The following FNIP1 variants were observed in gnomAD, a reference collection of about 807,000 sequenced individuals.
The protein encoded by FNIP1 is folliculin-interacting protein 1.
FNIP1 carries 40 observed loss-of-function variants against 124.5 expected under a neutral mutation model. The observed-to-expected ratio is 0.32, with a 90% CI of 0.25 to 0.42. FNIP1 has a LOEUF of 0.42. Among genes scored for constraint, FNIP1 ranks in the 10% least tolerant of loss-of-function variants. FNIP1 has a pLI of 1.00. For synonymous variants in FNIP1, 472 were observed against 470.6 expected, an observed-to-expected ratio of 1.00 and a Z score of -0.04; for missense variants, 1,176 against 1,403.7, an observed-to-expected ratio of 0.84 and a Z score of 2.59.
intron 11 of FNIP1, among the ~76,000 whole-genome samples, chr5:131,697,266 T>C (rs1768729295): frequency 6.6e-6 from 1 of 152,082 alleles, no homozygotes; most frequent in Non-Finnish European, 1.5e-5. Context: ...TGGTACGTAG[T>C]GTACACAATG....
chr5:131,654,598 T>A (rs1269998431), intron 15 of FNIP1, among the ~76,000 whole-genome samples: 4 of 152,136 alleles, frequency 2.6e-5, no homozygotes, highest in African/African-American at 9.7e-5. Context: ...TTAAAAAAAA[T>A]GTGTTACTGA....
In FNIP1 at chr5:131,709,250, C is replaced by G; in HGVS notation, c.729G>C (p.Met243Ile). The change falls in exon 8 of 18, where the codon ATG becomes ATC. Residue 243 changes from methionine to isoleucine, a missense_variant. This residue lies in a region of FNIP1 where 1,109 missense variants were observed against 1,288.5 expected (regional missense o/e 0.86). Coordinates refer to ENST00000510461, the MANE Select transcript of FNIP1 (RefSeq NM_133372.3). ...FFAVHSNPMD[M>I]PGRELNEDRD... ...TGTCCTCATTGAGCTCTCTTCCAGG[C>G]ATGTCCATTGGGTTGCTGTGAACTA... 6.2e-7 allele frequency: 1 copy of G among 1,614,022 alleles called. No individual in the cohort carries two copies. The highest frequency in any genetic ancestry group is 8.5e-7 in the Non-Finnish European group (1 of 1,179,926).
At chr5:131,776,961 A>G (rs1771828995) in intron 1 of FNIP1, among the ~76,000 whole-genome samples, 2 of 152,100 alleles carry the variant, frequency 1.3e-5, no homozygotes, top group African/African-American at 4.8e-5. Flanking sequence ...GGCTGGGTGC[A>G]TGGCTCATGT....
At chr5:131,655,815 G>A (rs1767174911) in intron 15 of FNIP1, among the ~76,000 whole-genome samples, 1 of 151,926 alleles carries the variant, frequency 6.6e-6, no homozygotes, top group African/African-American at 2.4e-5. Context: ...CTACTCCAGA[G>A]GCTGACGCAG....
At chr5:131,714,561 C>T (rs1324398409) in intron 6 of FNIP1, among the ~76,000 whole-genome samples, 4 of 152,154 alleles carry the variant, frequency 2.6e-5, no homozygotes, top group African/African-American at 9.7e-5. Flanking sequence ...CTTTCTTTTT[C>T]ATTAACTTTA....
chr5:131,778,375 G>T (rs1463409647), intron 1 of FNIP1, among the ~76,000 whole-genome samples: 1 of 152,012 alleles, frequency 6.6e-6, no homozygotes, highest in Non-Finnish European at 1.5e-5. Context: ...CATTTATGCA[G>T]CCAAAAAACA....
At chr5:131,728,426 T>C (rs950365506) in intron 3 of FNIP1, among the ~76,000 whole-genome samples, 1 of 152,132 alleles carries the variant, frequency 6.6e-6, no homozygotes, top group African/African-American at 2.4e-5. Flanking sequence ...TGTCATTAAG[T>C]TGATCTTCAA....
intron 1 of FNIP1, among the ~76,000 whole-genome samples, chr5:131,772,278 G>A (rs1396450109): frequency 6.6e-6 from 1 of 151,986 alleles, no homozygotes; most frequent in East Asian, 1.9e-4. Context: ...AAAGGTACAG[G>A]GAACTTTCTG....
At chr5:131,710,726 GA>G in intron 6 of FNIP1, 65 bp from the exon 7 acceptor site, 19 of 1,407,148 alleles carry the variant, frequency 1.4e-5, no homozygotes, top group South Asian at 3.8e-5. Flanking sequence ...ATGCGTCAGG[GA>G]AAAAAGGTGA....
rs1221364683 is a variant in FNIP1 at position 131,748,759 on chromosome 5, T to C, written c.93-4069A>G. On this transcript the variant is annotated intron_variant, in intron 1 of 17. Transcript: ENST00000510461. ...ACTGGTTTATGAATTTACTATACTT[T>C]TATCATTATTTTAAAGTGTACCCCT... Among the ~76,000 whole-genome samples, 16 of 152,006 alleles carry C rather than the reference T, an allele frequency of 1.1e-4. 1 individual carries two copies. The South Asian group carries it at 2.5e-3, about 24-fold the overall frequency.
At chr5:131,714,559 T>C (rs1013983553) in intron 6 of FNIP1, among the ~76,000 whole-genome samples, 2 of 152,198 alleles carry the variant, frequency 1.3e-5, no homozygotes, top group African/African-American at 2.4e-5. Context: ...TTCTTTCTTT[T>C]TCATTAACTT....
intron 10 of FNIP1, among the ~76,000 whole-genome samples, chr5:131,699,355 T>C (rs1314905540): frequency 6.6e-6 from 1 of 151,928 alleles, no homozygotes; most frequent in Non-Finnish European, 1.5e-5. Context: ...CAACTCATGG[T>C]TTTATGCTTA....
At chr5:131,728,186 T>C (rs1221363421) in intron 3 of FNIP1, among the ~76,000 whole-genome samples, 2 of 152,238 alleles carry the variant, frequency 1.3e-5, no homozygotes, top group East Asian at 3.8e-4. Context: ...AGTATCTTTG[T>C]TGTGTTCTCT....
intron 3 of FNIP1, among the ~76,000 whole-genome samples, chr5:131,729,291 C>T (rs547971520): frequency 5.3e-4 from 81 of 152,312 alleles, no homozygotes; most frequent in African/African-American, 1.7e-3. Context: ...AACAGCCACC[C>T]CTTCCTCCAG....
chr5:131,710,776 G>A (rs1769262056), intron 6 of FNIP1, 115 bp from the exon 7 acceptor site: 1 of 693,984 alleles, frequency 1.4e-6, no homozygotes, highest in Non-Finnish European at 2.3e-6. Flanking sequence ...AATATGGATG[G>A]AAACTTTTAA....
chr5:131,791,751 T>C (rs537745737), intron 1 of FNIP1, among the ~76,000 whole-genome samples: 4 of 152,238 alleles, frequency 2.6e-5, no homozygotes, highest in African/African-American at 9.6e-5. Flanking sequence ...AAAACTACCA[T>C]AAAAAGACAT....
At chr5:131,795,332 G>T (rs768566760) in intron 1 of FNIP1, among the ~76,000 whole-genome samples, 5 of 151,980 alleles carry the variant, frequency 3.3e-5, no homozygotes, top group Non-Finnish European at 7.4e-5. Flanking sequence ...ATAGTATTAC[G>T]CAACTATGTA....
chr5:131,727,265 A>G (rs1306784920), intron 3 of FNIP1, among the ~76,000 whole-genome samples: 1 of 152,076 alleles, frequency 6.6e-6, no homozygotes, highest in Non-Finnish European at 1.5e-5. Flanking sequence ...GTCTCCCACT[A>G]TTATTGTGTG....
intron 11 of FNIP1, among the ~76,000 whole-genome samples, chr5:131,686,633 G>C (rs961891699): frequency 6.6e-6 from 1 of 151,990 alleles, no homozygotes; most frequent in Admixed American, 6.6e-5. Context: ...GGATAAATGG[G>C]GTATCCACCA....
Sources: gnomAD v4.1 joint callset for allele counts (sites outside exome capture counted in the v4.1 genomes callset) on GRCh38, gnomAD v4.1.1 for gene constraint, gnomAD v4.1.1 regional missense constraint, MANE v1.5 for transcripts, NCBI Gene and HGNC (gene_info 2026-07-23, HGNC 2026-07-21) for gene names.